Variants in CLMP observed in about 807,000 individuals in gnomAD.
The protein encoded by CLMP is CXADR like cell adhesion molecule.
Under a neutral mutation model 45.2 loss-of-function variants are expected in CLMP, and 27 were observed. The observed-to-expected ratio is 0.60, with a 90% confidence interval of 0.44 to 0.82. The LOEUF is 0.82. Among genes scored for constraint, CLMP ranks in the 40% least tolerant of loss-of-function variants. The probability of loss-of-function intolerance (pLI) is 0.00; values close to 1 mark genes in which losing one functional copy is unlikely to be tolerated. For synonymous variants in CLMP, 167 were observed against 171.4 expected, an observed-to-expected ratio of 0.97 and a Z score of 0.20; for missense variants, 403 against 448.4, an observed-to-expected ratio of 0.90 and a Z score of 0.91.
chr11:123,148,807 G>T (rs1861272958), intron 1 of CLMP, among the ~76,000 whole-genome samples: 1 of 152,170 alleles, frequency 6.6e-6, no homozygotes. Flanking sequence ...GCTAAGAAAT[G>T]TATATGAGCA....
intron 1 of CLMP, among the ~76,000 whole-genome samples, chr11:123,099,968 T>A (rs948901381): frequency 6.6e-6 from 1 of 152,074 alleles, no homozygotes; most frequent in Non-Finnish European, 1.5e-5. Flanking sequence ...TCTAGGATAG[T>A]GGTGAAGGCA....
At chr11:123,164,721 T>C (rs1409369868) in intron 1 of CLMP, among the ~76,000 whole-genome samples, 2 of 152,170 alleles carry the variant, frequency 1.3e-5, no homozygotes, top group Non-Finnish European at 2.9e-5. Flanking sequence ...TGCATCTGTC[T>C]CACATGGGAA....
At chr11:123,125,849 G>C (rs1860886594) in intron 1 of CLMP, among the ~76,000 whole-genome samples, 1 of 151,680 alleles carries the variant, frequency 6.6e-6, no homozygotes, top group African/African-American at 2.4e-5. Context: ...CATGTGATCT[G>C]CCCGCCTCCG....
At chr11:123,089,312 G>C (rs1190356598) in intron 2 of CLMP, among the ~76,000 whole-genome samples, 2 of 151,766 alleles carry the variant, frequency 1.3e-5, no homozygotes, top group Non-Finnish European at 2.9e-5. Flanking sequence ...TTGAGCCCAG[G>C]AGACGAAGTT....
intron 1 of CLMP, among the ~76,000 whole-genome samples, chr11:123,159,996 C>T (rs528145715): frequency 1.3e-5 from 2 of 151,940 alleles, no homozygotes; most frequent in Non-Finnish European, 2.9e-5. Flanking sequence ...TCAATAATCC[C>T]GGCTGGGTGC....
At chr11:123,145,281 C>T (rs58942901) in intron 1 of CLMP, among the ~76,000 whole-genome samples, 9,116 of 151,928 alleles carry the variant, frequency 0.06, 490 homozygotes, top group East Asian at 0.24. Flanking sequence ...AAAGGGTTAA[C>T]TTTGTGCTCT....
intron 2 of CLMP, among the ~76,000 whole-genome samples, chr11:123,086,072 T>C (rs1865863222): frequency 6.6e-6 from 1 of 151,956 alleles, no homozygotes; most frequent in African/African-American, 2.4e-5. Flanking sequence ...CCACTGCGCC[T>C]GGCCCTAATT....
chr11:123,148,124 T>G (rs1438146339), intron 1 of CLMP, among the ~76,000 whole-genome samples: 1 of 152,156 alleles, frequency 6.6e-6, no homozygotes, highest in African/African-American at 2.4e-5. Flanking sequence ...GAGTTAGTGG[T>G]GAGAATTAAG....
At chr11:123,142,783 C>T (rs1483484683) in intron 1 of CLMP, among the ~76,000 whole-genome samples, 14 of 145,730 alleles carry the variant, frequency 9.6e-5, no homozygotes, top group Admixed American at 5.5e-4. Flanking sequence ...CCCGCCACTG[C>T]GCCCGGCTAA....
chr11:123,107,534 A>ATTTTTTTTTT (rs370750162), intron 1 of CLMP, among the ~76,000 whole-genome samples: 4 of 123,398 alleles, frequency 3.2e-5, no homozygotes, highest in Admixed American at 9.1e-5. Flanking sequence ...CCTGACCTAA[A>ATTTTTTTTTT]TTTTTTTTTT....
intron 1 of CLMP, among the ~76,000 whole-genome samples, chr11:123,106,382 G>GGTGTGTGTGTGT (rs539659160): frequency 7.4e-6 from 1 of 135,202 alleles, no homozygotes; most frequent in Non-Finnish European, 1.6e-5. Context: ...TTCTGTAGGA[G>GGTGTGTGTGTGT]GTGTGTGTGT....
intron 5 of CLMP, among the ~76,000 whole-genome samples, chr11:123,080,919 C>T (rs77467414): frequency 1.4e-4 from 21 of 151,882 alleles, no homozygotes; most frequent in African/African-American, 3.9e-4. Flanking sequence ...CCGAGGTGGG[C>T]GGATCACGAG....
At chr11:123,133,656 T>A (rs1439624748) in intron 1 of CLMP, among the ~76,000 whole-genome samples, 1 of 152,088 alleles carries the variant, frequency 6.6e-6, no homozygotes, top group African/African-American at 2.4e-5. Flanking sequence ...ATTGAGTATT[T>A]TAAGCCGAAG....
intron 2 of CLMP, among the ~76,000 whole-genome samples, chr11:123,086,496 C>T (rs1390290284): frequency 1.3e-5 from 2 of 152,230 alleles, no homozygotes; most frequent in African/African-American, 4.8e-5. Flanking sequence ...CTCAACCCTG[C>T]CTTTGATCAC....
At chr11:123,159,281 T>C (rs1861453850) in intron 1 of CLMP, among the ~76,000 whole-genome samples, 1 of 152,266 alleles carries the variant, frequency 6.6e-6, no homozygotes, top group South Asian at 2.1e-4. Context: ...GTGCTCATAG[T>C]AGATTACGGA....
chr11:123,187,608 A>G (rs951438215), intron 1 of CLMP, among the ~76,000 whole-genome samples: 1 of 152,218 alleles, frequency 6.6e-6, no homozygotes, highest in Non-Finnish European at 1.5e-5. Flanking sequence ...CTGTGGAGTA[A>G]TAAGATACAA....
At chr11:123,138,150 T>C (rs543357671) in intron 1 of CLMP, among the ~76,000 whole-genome samples, 1 of 152,218 alleles carries the variant, frequency 6.6e-6, no homozygotes, top group East Asian at 1.9e-4. Context: ...TGAAGTTGAT[T>C]TGTGAGGGGT....
chr11:123,153,883 A>C (rs1591479908), intron 1 of CLMP, among the ~76,000 whole-genome samples: 3 of 134,956 alleles, frequency 2.2e-5, no homozygotes, highest in African/African-American at 2.8e-5. Context: ...ATGGGGTTTC[A>C]CCATGTTGGC....
chr11:123,190,015 A>C (rs1220799849), intron 1 of CLMP, among the ~76,000 whole-genome samples: 3 of 151,782 alleles, frequency 2.0e-5, no homozygotes, highest in Non-Finnish European at 1.5e-5. Context: ...AAAAAAAAAA[A>C]AAAAAAAACA....
Sources: allele counts gnomAD v4.1 joint callset (sites outside exome capture counted in the v4.1 genomes callset), GRCh38; gene constraint gnomAD v4.1.1; transcripts MANE v1.5; gene names NCBI Gene and HGNC (gene_info 2026-07-23, HGNC 2026-07-21).